The following RAI14 variants were observed in gnomAD, a reference collection of about 807,000 sequenced individuals.
RAI14 encodes the protein retinoic acid induced 14, also known as ankycorbin.
Under a neutral mutation model 115.4 loss-of-function variants are expected in RAI14, and 45 were observed. The ratio of observed to expected loss-of-function variants is 0.39; its 90% CI spans 0.31 to 0.50. The LOEUF is 0.50. Ranked by LOEUF, RAI14 falls within the 20% of genes least tolerant of loss-of-function variation. RAI14 has a pLI of 0.85. For synonymous variants in RAI14, 371 were observed against 415.4 expected (o/e 0.89, Z 1.30); for missense variants, 939 against 1,131.2 (o/e 0.83, Z 2.44).
At chr5:34,776,032 C>T (rs1438106450) in intron 3 of RAI14, among the ~76,000 whole-genome samples, 1 of 152,118 alleles carries the variant, frequency 6.6e-6, no homozygotes, top group Non-Finnish European at 1.5e-5. Flanking sequence ...TGTCCATCAT[C>T]AGATGAATGG....
At chr5:34,677,464 T>A (rs546110390) in intron 1 of RAI14, among the ~76,000 whole-genome samples, 1 of 152,130 alleles carries the variant, frequency 6.6e-6, no homozygotes, top group East Asian at 1.9e-4. Context: ...TCTTTTTTTT[T>A]AAAATGGGGT....
intron 1 of RAI14, chr5:34,657,231 T>G (rs1297963247): frequency 4.5e-5 from 6 of 132,946 alleles, no homozygotes; most frequent in African/African-American, 1.4e-4. Context: ...CCGCGACCCC[T>G]GCCTGGTGGG....
chr5:34,719,148 G>A (rs1467142830), intron 2 of RAI14, among the ~76,000 whole-genome samples: 1 of 101,398 alleles, frequency 9.9e-6, no homozygotes, highest in Admixed American at 8.8e-5. Context: ...AGACTGAAAG[G>A]ATGGGGGCTA....
At chr5:34,683,521 A>T (rs1347853362) in intron 1 of RAI14, among the ~76,000 whole-genome samples, 1 of 152,026 alleles carries the variant, frequency 6.6e-6, no homozygotes, top group African/African-American at 2.4e-5. Flanking sequence ...CAAAAATCTT[A>T]CCCACTGTTG....
chr5:34,767,591 G>GCCCCCCCCCCCCCCCCCC (rs1561334151), intron 3 of RAI14, among the ~76,000 whole-genome samples: 24 of 116,748 alleles, frequency 2.1e-4, no homozygotes, highest in African/African-American at 3.6e-4. Context: ...CACCGCCACC[G>GCCCCCCCCCCCCCCCCCC]CCCCCACCAC....
At chr5:34,748,993 G>T (rs1580122402) in intron 2 of RAI14, among the ~76,000 whole-genome samples, 1 of 152,212 alleles carries the variant, frequency 6.6e-6, no homozygotes, top group South Asian at 2.1e-4. Flanking sequence ...GGTGGATATA[G>T]TCAACTGGGG....
chr5:34,758,167 T>G (rs1748143509), intron 3 of RAI14, among the ~76,000 whole-genome samples: 1 of 152,238 alleles, frequency 6.6e-6, no homozygotes, highest in Non-Finnish European at 1.5e-5. Flanking sequence ...TGGAGCCAGA[T>G]AGACATCTCA....
At chr5:34,715,038 A>T (rs1264764971) in intron 2 of RAI14, among the ~76,000 whole-genome samples, 2 of 152,132 alleles carry the variant, frequency 1.3e-5, no homozygotes, top group African/African-American at 2.4e-5. Flanking sequence ...GGAATTCATG[A>T]GTCAGAAAAT....
intron 12 of RAI14, 126 bp from the exon 13 acceptor site, chr5:34,818,671 A>G (rs1282311628): frequency 1.2e-5 from 7 of 599,606 alleles, no homozygotes; most frequent in African/African-American, 1.9e-5. Context: ...GAGATTTTCT[A>G]GCTGCTTTTC....
chr5:34,796,470 T>C (rs980932232), intron 4 of RAI14, among the ~76,000 whole-genome samples: 2 of 151,942 alleles, frequency 1.3e-5, no homozygotes, highest in Non-Finnish European at 2.9e-5. Context: ...TCACCTCCAA[T>C]AGCAAGACTC....
intron 7 of RAI14, among the ~76,000 whole-genome samples, chr5:34,810,688 C>A (rs1032064369): frequency 6.6e-6 from 1 of 152,074 alleles, no homozygotes. Context: ...TCAGTATACC[C>A]GGTACACTTG....
chr5:34,760,375 C>A (rs932933195), intron 3 of RAI14, among the ~76,000 whole-genome samples: 2 of 152,082 alleles, frequency 1.3e-5, no homozygotes, highest in Non-Finnish European at 2.9e-5. Flanking sequence ...AGAATCAACC[C>A]CAGATGCTCT....
At chr5:34,687,024 C>A in intron 2 of RAI14, 69 bp downstream of exon 2, 2 of 1,554,048 alleles carry the variant, frequency 1.3e-6, no homozygotes, top group African/African-American at 1.4e-5. Context: ...CGCTCCTCCC[C>A]ACCTTGATAA....
chr5:34,733,169 C>G (rs1744412325), intron 2 of RAI14: 1 of 152,182 alleles, frequency 6.6e-6, no homozygotes, highest in African/African-American at 2.4e-5. Flanking sequence ...ATCTGAGGCA[C>G]AAGGTTAAAG....
chr5:34,716,714 A>G (rs893083508), intron 2 of RAI14: 1 of 152,170 alleles, frequency 6.6e-6, no homozygotes. Flanking sequence ...CGCCCGGTCA[A>G]GTTTTGGGTT....
rs138139086 is a variant in RAI14 at position 34,712,468 on chromosome 5, G to A, written c.36+25513G>A. 5.3e-5 allele frequency among the ~76,000 whole-genome samples: 8 copies of A among 152,308 alleles called. No individual in the cohort carries two copies. The East Asian group carries it at 1.4e-3, about 26-fold the overall frequency. On this transcript the variant is annotated intron_variant, in intron 2 of 17. Coordinates refer to ENST00000265109, the MANE Select transcript of RAI14 (RefSeq NM_015577.3). Reference sequence around the variant, plus strand: ...TTCAGTTGACACGTGCATGAAGGAAGGAAGGAGTGCTGGGTGAGAAGCAGC... The same window carrying A: ...TTCAGTTGACACGTGCATGAAGGAAAGAAGGAGTGCTGGGTGAGAAGCAGC...
intron 3 of RAI14, among the ~76,000 whole-genome samples, chr5:34,786,584 C>A (rs1752329023): frequency 6.6e-6 from 1 of 152,220 alleles, no homozygotes; most frequent in South Asian, 2.1e-4. Flanking sequence ...AGAGCCCACA[C>A]TTGTCCAGTT....
At chr5:34,663,182 G>T (rs957029679) in intron 1 of RAI14, among the ~76,000 whole-genome samples, 1 of 151,964 alleles carries the variant, frequency 6.6e-6, no homozygotes, top group Non-Finnish European at 1.5e-5. Flanking sequence ...TTGACATCAG[G>T]CCCACTGAGA....
chr5:34,823,860 C>T lies in RAI14; in HGVS notation c.2018C>T (p.Ala673Val), dbSNP rs779341838. The change falls in exon 15 of 18, where the codon GCT becomes GTT. Residue 673 changes from alanine (A) to valine (V), a missense_variant. Coordinates refer to ENST00000265109, the MANE Select transcript of RAI14 (RefSeq NM_015577.3). This position sits in a 1 kb window ranked among gnomAD's most constrained non-coding sequence, Gnocchi z 4.5. ...AGGAAATCTCTAGAGGATGTCACAGCTGAATATATCCATAAAGCAGAGCAT... is the reference window on the plus strand; with the variant it reads ...AGGAAATCTCTAGAGGATGTCACAGTTGAATATATCCATAAAGCAGAGCAT... ...RKRKSLEDVT[A>V]EYIHKAEHEK... 1.2e-6 allele frequency: 2 copies of T among 1,614,012 alleles called. No individual in the cohort carries two copies. The highest frequency in any genetic ancestry group is 1.3e-5 in the African/African-American group (1 of 74,934).
Sources: gnomAD v4.1 joint callset for allele counts (sites outside exome capture counted in the v4.1 genomes callset) on GRCh38, gnomAD v4.1.1 for gene constraint, Gnocchi (gnomAD v3.1) non-coding constraint, MANE v1.5 for transcripts, NCBI Gene and HGNC (gene_info 2026-07-23, HGNC 2026-07-21) for gene names.